PTPN14: variants seen among roughly 807,000 people sequenced by gnomAD.
The protein encoded by PTPN14 is tyrosine-protein phosphatase non-receptor type 14.
PTPN14 carries 53 observed loss-of-function variants against 126.8 expected under a neutral mutation model. The ratio of observed to expected loss-of-function variants is 0.42; its 90% confidence interval spans 0.34 to 0.53. PTPN14 has a LOEUF of 0.53. PTPN14 is among the 20% of genes least tolerant of loss of function. The probability of loss-of-function intolerance (pLI) is 0.08; values close to 1 mark genes in which losing one functional copy is unlikely to be tolerated. For synonymous variants in PTPN14, 630 were observed against 599.3 expected (o/e 1.05, Z -0.75); for missense variants, 1,257 against 1,552.9 (o/e 0.81, Z 3.20).
chr1:214,387,674 C>CAA lies in PTPN14; in HGVS notation c.988-754_988-753dup, dbSNP rs67415818. Among the ~76,000 whole-genome samples the CAA allele has an allele frequency of 9.9e-3, 841 of 85,322 alleles. 17 individuals carry two copies. The highest frequency in any genetic ancestry group is 0.074 in the East Asian group (285 of 3,856). 56.0% of individuals were successfully genotyped at this position (85,322 alleles called of 152,430 possible). A position where few individuals can be genotyped will look rare whatever the true frequency, so the allele number is the denominator to read the frequency against. ...GCCTGGCGACAGAGCAAGACTCCGTCAAAAAAAAAAAAAAAAAGAAAGAAA... is the reference window on the plus strand; with the variant it reads ...GCCTGGCGACAGAGCAAGACTCCGTCAAAAAAAAAAAAAAAAAAAGAAAGAAA... On this transcript the variant is annotated intron_variant, in intron 11 of 18. Transcript: ENST00000366956.
At chr1:214,396,038 C>G (rs1165607251) in intron 8 of PTPN14, among the ~76,000 whole-genome samples, 4 of 152,066 alleles carry the variant, frequency 2.6e-5, no homozygotes, top group African/African-American at 7.2e-5. Context: ...AGGCCCCATA[C>G]CCGGTGCAGG....
chr1:214,549,482 G>C (rs1351872373), intron 1 of PTPN14, among the ~76,000 whole-genome samples: 2 of 152,152 alleles, frequency 1.3e-5, no homozygotes, highest in African/African-American at 4.8e-5. Flanking sequence ...GCACCTCATG[G>C]CCACCCATTC....
chr1:214,414,161 T>C (rs991433942), intron 4 of PTPN14, among the ~76,000 whole-genome samples: 29 of 152,364 alleles, frequency 1.9e-4, no homozygotes, highest in African/African-American at 6.3e-4. Flanking sequence ...AATACACATT[T>C]GTTGTTTCAT....
chr1:214,426,543 A>G (rs74352097), intron 3 of PTPN14, among the ~76,000 whole-genome samples: 1 of 151,988 alleles, frequency 6.6e-6, no homozygotes, highest in African/African-American at 2.4e-5. Context: ...AAAAAAAAAA[A>G]TGATGGCCAA....
At chr1:214,398,658 T>C (rs1484258756) in intron 7 of PTPN14, among the ~76,000 whole-genome samples, 7 of 146,878 alleles carry the variant, frequency 4.8e-5, no homozygotes, top group African/African-American at 1.8e-4. Flanking sequence ...CTTGCTATGC[T>C]GCCCAGGCTA....
intron 1 of PTPN14, among the ~76,000 whole-genome samples, chr1:214,499,406 C>T (rs968139870): frequency 1.3e-5 from 2 of 152,072 alleles, no homozygotes; most frequent in South Asian, 2.1e-4. Flanking sequence ...TGCTGGTATA[C>T]ATACAAAATA....
At chr1:214,436,854 A>G (rs892813641) in intron 3 of PTPN14, among the ~76,000 whole-genome samples, 1 of 151,086 alleles carries the variant, frequency 6.6e-6, no homozygotes, top group Non-Finnish European at 1.5e-5. Context: ...ATGCTTTTCA[A>G]GTACTCTTAA....
intron 1 of PTPN14, among the ~76,000 whole-genome samples, chr1:214,468,531 G>C (rs1411802773): frequency 6.6e-6 from 1 of 151,984 alleles, no homozygotes; most frequent in East Asian, 1.9e-4. Context: ...ACTCCAGCCT[G>C]AGCAACAGAG....
At chr1:214,498,128 AT>A (rs1654581711) in intron 1 of PTPN14, among the ~76,000 whole-genome samples, 1 of 152,218 alleles carries the variant, frequency 6.6e-6, no homozygotes, top group Non-Finnish European at 1.5e-5. Context: ...TGGGGGAAGT[AT>A]TTCTTATTTA....
At chr1:214,414,359 C>G (rs1224928092) in intron 4 of PTPN14, among the ~76,000 whole-genome samples, 3 of 152,128 alleles carry the variant, frequency 2.0e-5, no homozygotes, top group Non-Finnish European at 4.4e-5. Context: ...GAAATGTAGC[C>G]TTAATTAAAG....
rs752092702 is a variant in PTPN14, at chr1:214,384,757, C to T, written c.1098G>A (p.Leu366=). 30 of 1,613,702 alleles carry T rather than the reference C, an allele frequency of 1.9e-5. No individual in the cohort carries two copies. In the South Asian group the frequency reaches 2.9e-4, roughly 15 times the overall value. Reference sequence around the variant, plus strand: ...CCAGGCTGTTGTGAGAGTTGCAATACAAGGCTTCTTCATTCCCATGAAAAA... The same window carrying T: ...CCAGGCTGTTGTGAGAGTTGCAATATAAGGCTTCTTCATTCCCATGAAAAA... The part of the protein sequence containing the change: ...DSIFHGNEEA[L]YCNSHNSLDL... Residue 366 remains leucine (L), a synonymous_variant, in exon 13 of 19, where the codon TTG becomes TTA. Coordinates refer to ENST00000366956, the MANE Select transcript of PTPN14 (RefSeq NM_005401.5). This position sits in a 1 kb window ranked among gnomAD's most constrained non-coding sequence, Gnocchi z 5.3.
chr1:214,386,874 C>T lies in PTPN14; in HGVS notation c.1036G>A (p.Glu346Lys). The part of the protein sequence containing the change: ...ILPPVHVQCG[E>K]HYSETHTSQD... Reference sequence around the variant, plus strand: ...GAGGTGTGCGTTTCCGAGTAGTGCTCACCACACTGGACGTGAACGGGAGGC... The same window carrying T: ...GAGGTGTGCGTTTCCGAGTAGTGCTTACCACACTGGACGTGAACGGGAGGC... The change falls in exon 12 of 19, where the codon GAG (glutamate) becomes AAG (lysine). Residue 346 changes from glutamate to lysine, a missense_variant. Around this residue, in one of 3 missense-constraint regions of PTPN14, gnomAD observed 1,021 missense variants for 1,183.3 expected, o/e 0.86. Transcript: ENST00000366956. 6.2e-7 allele frequency: 1 copy of T among 1,609,070 alleles called. No individual in the cohort carries two copies. The highest frequency in any genetic ancestry group is 8.5e-7 in the Non-Finnish European group (1 of 1,175,668).
intron 18 of PTPN14, among the ~76,000 whole-genome samples, chr1:214,358,411 C>T (rs985482093): frequency 2.0e-5 from 3 of 152,180 alleles, no homozygotes; most frequent in Non-Finnish European, 4.4e-5. Context: ...GGGTTACAGG[C>T]GTGGGCCACC....
rs1443850515 is a variant in PTPN14 at position 214,551,247 on chromosome 1, G to A, written c.-219C>T. On this transcript the variant is annotated 5_prime_UTR_variant, in exon 1 of 19. Transcript: ENST00000366956. ...GGAAAGGCTGTCCTTCGCGGCGGCG[G>A]AGCCGATTCCCCACGGAATTGATTC... 6.6e-6 allele frequency: 1 copy of A among 152,498 alleles called. No homozygotes were observed. Among genetic ancestry groups the A allele is most frequent in the East Asian group, 1.9e-4 (1 of 5,196 alleles). The allele number at this position is 152,498 out of a possible 1,614,324, so 9.4% of individuals were successfully genotyped here. A position where few individuals can be genotyped will look rare whatever the true frequency, so the allele number is the denominator to read the frequency against.
chr1:214,543,808 G>A (rs1185474331), intron 1 of PTPN14, among the ~76,000 whole-genome samples: 7 of 152,012 alleles, frequency 4.6e-5, no homozygotes, highest in Admixed American at 1.3e-4. Flanking sequence ...TAGTAGAGAC[G>A]GGGGTTATTA....
chr1:214,536,428 T>C (rs984685379), intron 1 of PTPN14, among the ~76,000 whole-genome samples: 13 of 152,052 alleles, frequency 8.5e-5, no homozygotes, highest in African/African-American at 3.1e-4. Flanking sequence ...ATTAGTTTTT[T>C]AAAAAATATT....
At chr1:214,387,002 G>A in intron 11 of PTPN14, 80 bp from the exon 12 acceptor site, 1 of 1,315,096 alleles carries the variant, frequency 7.6e-7, no homozygotes, top group Non-Finnish European at 1.1e-6. Flanking sequence ...CAGGCACACG[G>A]CAGTCCCGCC....
chr1:214,464,878 C>T lies in PTPN14; in HGVS notation c.-75G>A, dbSNP rs1205767446. 1.3e-6 allele frequency: 2 copies of T among 1,557,328 alleles called. No homozygotes were observed. Among genetic ancestry groups the T allele is most frequent in the Non-Finnish European group, 1.7e-6 (2 of 1,143,000 alleles). ...TGAGATGGCCTTAGCAGTTTCGTGA[C>T]TGGAAAATTACACTATCACCTGTGC... On this transcript the variant is annotated 5_prime_UTR_variant, in exon 2 of 19. Transcript: ENST00000366956.
rs1344917917 is a variant in PTPN14, at chr1:214,406,131, T to C, written c.511-3178A>G. Among the ~76,000 whole-genome samples the C allele has an allele frequency of 2.0e-5, 3 of 152,306 alleles. No homozygotes were observed. The East Asian group carries it at 5.8e-4, about 29-fold the overall frequency. ...TTTTTGGGATGACGAAAGTGTTCCA[T>C]ATCTGAGCTTTCCAATACAGTAGCC... On this transcript the variant is annotated intron_variant, in intron 5 of 18. Coordinates refer to ENST00000366956, the MANE Select transcript of PTPN14 (RefSeq NM_005401.5).
Sources: allele counts gnomAD v4.1 joint callset (sites outside exome capture counted in the v4.1 genomes callset), GRCh38; gene constraint gnomAD v4.1.1; regional missense constraint gnomAD v4.1.1; non-coding constraint Gnocchi (gnomAD v3.1); transcripts MANE v1.5; gene names NCBI Gene and HGNC (gene_info 2026-07-23, HGNC 2026-07-21).